RASA2: variants seen among roughly 807,000 people sequenced by gnomAD.
The protein encoded by RASA2 is RAS p21 protein activator 2.
RASA2 carries 155 observed loss-of-function variants against 118.2 expected under a neutral mutation model. That is an observed-to-expected ratio of 1.31 (90% confidence interval 1.15 to 1.50). The LOEUF (loss-of-function observed/expected upper bound fraction) is 1.50, where lower values mean the gene tolerates loss of function less well. Among genes scored for constraint, RASA2 ranks in the 40% most tolerant of loss-of-function variants. The pLI, the probability that RASA2 is intolerant of heterozygous loss-of-function variation, is 0.00. For synonymous variants in RASA2, 353 were observed against 349.1 expected (o/e 1.01, Z -0.12); for missense variants, 1,016 against 1,009.6 (o/e 1.01, Z -0.09).
At chr3:141,536,666 C>G (rs1390965076) in intron 4 of RASA2, among the ~76,000 whole-genome samples, 1 of 151,962 alleles carries the variant, frequency 6.6e-6, no homozygotes, top group Non-Finnish European at 1.5e-5. Flanking sequence ...AGTATACTGT[C>G]ATTGAGCTTC....
At chr3:141,541,661 T>A (rs1443015181) in intron 5 of RASA2, among the ~76,000 whole-genome samples, 1 of 152,110 alleles carries the variant, frequency 6.6e-6, no homozygotes, top group East Asian at 1.9e-4. Flanking sequence ...GTCCCAATGA[T>A]GTCTATTAAG....
intron 3 of RASA2, among the ~76,000 whole-genome samples, chr3:141,523,354 T>A (rs1278412619): frequency 6.6e-6 from 1 of 152,134 alleles, no homozygotes; most frequent in South Asian, 2.1e-4. Flanking sequence ...CAAACTCTTA[T>A]CCACCTGCCT....
intron 3 of RASA2, among the ~76,000 whole-genome samples, chr3:141,516,691 T>A (rs1255356630): frequency 6.6e-6 from 1 of 152,196 alleles, no homozygotes; most frequent in Non-Finnish European, 1.5e-5. Context: ...CTTTCCATGG[T>A]ACTCATTATG....
At chr3:141,554,041 AAC>A (rs1157831956) in intron 6 of RASA2, 101 bp downstream of exon 6, 3 of 1,453,940 alleles carry the variant, frequency 2.1e-6, no homozygotes, top group East Asian at 2.5e-5. Flanking sequence ...AGCTATTTAT[AAC>A]ACACAGTAAT....
chr3:141,564,667 CTT>C, intron 9 of RASA2, among the ~76,000 whole-genome samples: 1 of 152,226 alleles, frequency 6.6e-6, no homozygotes, highest in South Asian at 2.1e-4. Context: ...GATAATTTGC[CTT>C]TCCAAATAGC....
chr3:141,572,569 C>T, intron 11 of RASA2, 40 bp from the exon 12 acceptor site: 1 of 1,439,434 alleles, frequency 6.9e-7, no homozygotes, highest in African/African-American at 1.4e-5. Flanking sequence ...GTTTCAAAAC[C>T]TTTGTTTACT....
chr3:141,521,894 G>GTT lies in RASA2; in HGVS notation c.355+5476_355+5477dup, dbSNP rs369996071. On this transcript the variant is annotated intron_variant, in intron 3 of 23. Transcript: ENST00000286364. ...ATTTTCTTTTGTCATTAACACACAG[G>GTT]TTTTTTTTTTTTTTAATTTTGAGCT... is the stretch of plus-strand genomic sequence containing the variant. 7.2e-5 allele frequency among the ~76,000 whole-genome samples: 10 copies of GTT among 139,710 alleles called. 1 individual carries two copies. The highest frequency in any genetic ancestry group is 2.3e-4 in the South Asian group (1 of 4,394). 91.7% of individuals were successfully genotyped at this position (139,710 alleles called of 152,430 possible).
intron 19 of RASA2, chr3:141,600,265 A>G (rs769198512): frequency 1.5e-5 from 8 of 534,452 alleles, no homozygotes; most frequent in South Asian, 2.8e-5. Context: ...CCCTGTATGT[A>G]TTTAGTTTTC....
chr3:141,546,676 G>A (rs1293839620), intron 5 of RASA2, among the ~76,000 whole-genome samples: 18 of 152,114 alleles, frequency 1.2e-4, no homozygotes, highest in Admixed American at 1.0e-3. Flanking sequence ...TTGTTGTGTA[G>A]AAGCTTTTTA....
Position 141,573,128 on chromosome 3 carries a change from TG to T in RASA2, c.1285-18del. On this transcript the variant is annotated intron_variant, in intron 12 of 23. Transcript: ENST00000286364. ...GACTACTTAGAAAAAAATCATTAAC[TG>T]AAAAATTTATTTTTCAGATATGTGA... is the stretch of plus-strand genomic sequence containing the variant. 6.5e-7 allele frequency: 1 copy of T among 1,546,506 alleles called. No individual in the cohort carries two copies. Among genetic ancestry groups the T allele is most frequent in the Non-Finnish European group, 8.7e-7 (1 of 1,153,904 alleles).
At chr3:141,524,344 A>G (rs928466014) in intron 3 of RASA2, among the ~76,000 whole-genome samples, 4 of 152,196 alleles carry the variant, frequency 2.6e-5, no homozygotes, top group African/African-American at 9.7e-5. Context: ...AAAGCAAGTC[A>G]CATAATCCAA....
Position 141,612,277 on chromosome 3 carries a change from C to T in RASA2, c.2520-6C>T. 1 of 1,579,438 alleles carries T rather than the reference C, an allele frequency of 6.3e-7. No individual in the cohort carries two copies. Among genetic ancestry groups the T allele is most frequent in the South Asian group, 1.1e-5 (1 of 87,884 alleles). ...ATTTTGAAAAATGACTTTTTTTCTT[C>T]TCTAGGGAAAATCCAATTGTTGGGA... On this transcript the variant is annotated splice_polypyrimidine_tract_variant and splice_region_variant and intron_variant, in intron 23 of 23. Transcript: ENST00000286364.
At chr3:141,515,922 T>C (rs1560000928) in intron 2 of RASA2, among the ~76,000 whole-genome samples, 1 of 147,196 alleles carries the variant, frequency 6.8e-6, no homozygotes, top group African/African-American at 2.5e-5. Context: ...AAAAGTGATA[T>C]TATCATTCTC....
chr3:141,497,164 G>A (rs1360377921), intron 1 of RASA2, among the ~76,000 whole-genome samples: 3 of 123,418 alleles, frequency 2.4e-5, no homozygotes, highest in Non-Finnish European at 4.9e-5. Flanking sequence ...GGGGCCTGTC[G>A]TGGGGTGGGG....
chr3:141,496,616 T>C (rs1388024311), intron 1 of RASA2, among the ~76,000 whole-genome samples: 1 of 152,204 alleles, frequency 6.6e-6, no homozygotes, highest in Non-Finnish European at 1.5e-5. Context: ...CACAATGAGA[T>C]ACTATCTCAC....
chr3:141,552,863 A>G (rs1456357073), intron 5 of RASA2, among the ~76,000 whole-genome samples: 2 of 152,236 alleles, frequency 1.3e-5, no homozygotes, highest in East Asian at 1.9e-4. Flanking sequence ...AACAAAGAAT[A>G]CTTTTCAGCA....
intron 1 of RASA2, among the ~76,000 whole-genome samples, chr3:141,495,074 T>C (rs1051557926): frequency 2.0e-5 from 3 of 152,218 alleles, no homozygotes; most frequent in Non-Finnish European, 2.9e-5. Context: ...GGAGAAAATA[T>C]TTGCAGTGTA....
At chr3:141,560,267 C>T (rs936017513) in intron 9 of RASA2, among the ~76,000 whole-genome samples, 3 of 152,072 alleles carry the variant, frequency 2.0e-5, no homozygotes, top group Non-Finnish European at 2.9e-5. Context: ...AAATGGGAAA[C>T]ATTTAAAACA....
chr3:141,490,354 AAAAC>A (rs1458624016), intron 1 of RASA2, among the ~76,000 whole-genome samples: 2 of 149,304 alleles, frequency 1.3e-5, no homozygotes, highest in African/African-American at 2.5e-5. Flanking sequence ...AAAAAAAAAA[AAAAC>A]CGTATTCAAA....
Sources: gnomAD v4.1 joint callset for allele counts (sites outside exome capture counted in the v4.1 genomes callset) on GRCh38, gnomAD v4.1.1 for gene constraint, MANE v1.5 for transcripts, NCBI Gene and HGNC (gene_info 2026-07-23, HGNC 2026-07-21) for gene names.